The following CDIN1 variants were observed in gnomAD, a reference collection of about 807,000 sequenced individuals.
CDIN1 encodes the protein CDAN1-interacting nuclease 1.
In CDIN1, 33 loss-of-function variants were observed where a neutral mutation model predicts 45.3. The observed-to-expected ratio is 0.73, with a 90% CI of 0.55 to 0.97. CDIN1 has a LOEUF of 0.97. Ranked by LOEUF, CDIN1 falls within the 50% of genes least tolerant of loss-of-function variation. CDIN1 has a pLI of 0.00. For synonymous variants in CDIN1, 118 were observed against 124.4 expected, an observed-to-expected ratio of 0.95 and a Z score of 0.34; for missense variants, 303 against 339.4, an observed-to-expected ratio of 0.89 and a Z score of 0.84.
At chr15:36,634,179 G>T (rs1049305902) in intron 1 of CDIN1, among the ~76,000 whole-genome samples, 1 of 151,964 alleles carries the variant, frequency 6.6e-6, no homozygotes, top group Non-Finnish European at 1.5e-5. Context: ...GCCTGTAATC[G>T]CAGCACTTTG....
chr15:36,686,958 GA>G (rs1399947307), intron 5 of CDIN1, among the ~76,000 whole-genome samples: 1 of 138,578 alleles, frequency 7.2e-6, no homozygotes, highest in African/African-American at 2.7e-5. Context: ...AGATAGGAAG[GA>G]AGGAAAGGGA....
chr15:36,585,357 G>A (rs1445161636), intron 1 of CDIN1, among the ~76,000 whole-genome samples: 2 of 152,138 alleles, frequency 1.3e-5, no homozygotes, highest in Non-Finnish European at 2.9e-5. Flanking sequence ...AGGATCACAC[G>A]TTGGATTTAA....
chr15:36,626,770 G>T (rs1452989130), intron 1 of CDIN1: 2 of 361,914 alleles, frequency 5.5e-6, no homozygotes, highest in African/African-American at 2.2e-5. Context: ...CTTGGTGTGC[G>T]TTACTGATGA....
At chr15:36,627,232 C>A (rs1384886656) in intron 1 of CDIN1, 2 of 170,836 alleles carry the variant, frequency 1.2e-5, no homozygotes, top group Non-Finnish European at 2.6e-5. Flanking sequence ...AGTGACCTTG[C>A]AATAGTGACC....
chr15:36,774,900 T>A (rs1445256960), intron 10 of CDIN1, among the ~76,000 whole-genome samples: 1 of 152,186 alleles, frequency 6.6e-6, no homozygotes, highest in Non-Finnish European at 1.5e-5. Flanking sequence ...AAGCTCTTTA[T>A]CATAGAAAGC....
At chr15:36,736,671 C>T (rs1316142521) in intron 10 of CDIN1, among the ~76,000 whole-genome samples, 5 of 152,148 alleles carry the variant, frequency 3.3e-5, no homozygotes, top group Non-Finnish European at 5.9e-5. Context: ...CAGTATTACC[C>T]ATCCAGATCT....
At chr15:36,751,432 G>A (rs72708611) in intron 10 of CDIN1, among the ~76,000 whole-genome samples, 23,564 of 151,096 alleles carry the variant, frequency 0.16, 2,323 homozygotes, top group East Asian at 0.29. Context: ...AGCAGCTCAC[G>A]CCTATAATAC....
intron 1 of CDIN1, among the ~76,000 whole-genome samples, chr15:36,597,079 A>C (rs1236639357): frequency 1.3e-5 from 2 of 152,194 alleles, no homozygotes; most frequent in African/African-American, 4.8e-5. Context: ...TGGACCTGAT[A>C]TATGCCCCTA....
chr15:36,664,703 C>A (rs1322484377), intron 5 of CDIN1, among the ~76,000 whole-genome samples: 2 of 152,078 alleles, frequency 1.3e-5, no homozygotes, highest in Non-Finnish European at 2.9e-5. Flanking sequence ...CCCACCACCA[C>A]GCTTGGCTAA....
intron 10 of CDIN1, among the ~76,000 whole-genome samples, chr15:36,730,153 A>G (rs144199375): frequency 6.6e-6 from 1 of 152,214 alleles, no homozygotes; most frequent in African/African-American, 2.4e-5. Context: ...CAGGGTGTCC[A>G]ATTTAACTGT....
chr15:36,588,694 A>ATT (rs1453406675), intron 1 of CDIN1, among the ~76,000 whole-genome samples: 15 of 145,382 alleles, frequency 1.0e-4, no homozygotes, highest in African/African-American at 4.0e-4. Context: ...TATTATTATT[A>ATT]TTTTTTTACT....
chr15:36,618,970 C>A, intron 1 of CDIN1: 1 of 1,543,920 alleles, frequency 6.5e-7, no homozygotes, highest in Non-Finnish European at 8.8e-7. Flanking sequence ...GTGCCAGAAG[C>A]CCCCTAAAGA....
chr15:36,749,081 T>C (rs562556876), intron 10 of CDIN1, among the ~76,000 whole-genome samples: 1 of 152,304 alleles, frequency 6.6e-6, no homozygotes, highest in East Asian at 1.9e-4. Flanking sequence ...CACTCACTCG[T>C]ATCGCTTTAA....
intron 5 of CDIN1, among the ~76,000 whole-genome samples, chr15:36,662,964 A>G (rs936761623): frequency 2.0e-5 from 3 of 150,272 alleles, no homozygotes; most frequent in Non-Finnish European, 3.0e-5. Flanking sequence ...TGAAATGCTC[A>G]AAACGTTTAT....
intron 5 of CDIN1, among the ~76,000 whole-genome samples, chr15:36,667,915 C>G (rs1031332142): frequency 3.3e-5 from 5 of 152,198 alleles, no homozygotes; most frequent in Admixed American, 3.3e-4. Context: ...TAGGTAATTT[C>G]TGCTTCATTC....
intron 1 of CDIN1, among the ~76,000 whole-genome samples, chr15:36,621,330 C>T (rs16963714): frequency 0.011 from 1,705 of 152,204 alleles, 29 homozygotes; most frequent in African/African-American, 0.038. Context: ...TTTGGAGATA[C>T]GTATTAGCGA....
At chr15:36,621,041 G>A (rs1294348678) in intron 1 of CDIN1, among the ~76,000 whole-genome samples, 1 of 152,100 alleles carries the variant, frequency 6.6e-6, no homozygotes, top group Non-Finnish European at 1.5e-5. Flanking sequence ...TTAGAAAATG[G>A]CTAAAATATT....
At chr15:36,603,434 G>C (rs774080390) in intron 1 of CDIN1, among the ~76,000 whole-genome samples, 1 of 152,144 alleles carries the variant, frequency 6.6e-6, no homozygotes, top group Non-Finnish European at 1.5e-5. Flanking sequence ...TTTCTTATTT[G>C]CTTAGAAAGG....
At chr15:36,642,368 C>T (rs1045046448) in intron 1 of CDIN1, among the ~76,000 whole-genome samples, 2 of 152,136 alleles carry the variant, frequency 1.3e-5, no homozygotes, top group Non-Finnish European at 2.9e-5. Context: ...CATTGTGGAC[C>T]CGAATCTGTC....
Sources: gnomAD v4.1 joint callset for allele counts (sites outside exome capture counted in the v4.1 genomes callset) on GRCh38, gnomAD v4.1.1 for gene constraint, MANE v1.5 for transcripts, NCBI Gene and HGNC (gene_info 2026-07-23, HGNC 2026-07-21) for gene names.